The following ARHGAP5 variants were observed in gnomAD, a reference collection of about 807,000 sequenced individuals.
ARHGAP5 encodes Rho GTPase activating protein 5, also known as rho GTPase-activating protein 5.
A neutral mutation model predicts 116.6 loss-of-function variants in ARHGAP5; 23 were observed. The observed-to-expected ratio is 0.20, with a 90% CI of 0.14 to 0.28. The LOEUF (loss-of-function observed/expected upper bound fraction) is 0.28. Ranked by LOEUF, ARHGAP5 falls within the 10% of genes least tolerant of loss-of-function variation. The pLI is 1.00. For synonymous variants in ARHGAP5, 574 were observed against 602.0 expected (o/e 0.95, Z 0.68); for missense variants, 1,405 against 1,774.8 (o/e 0.79, Z 3.74).
chr14:32,095,411 T>TTG (rs1394650145), intron 2 of ARHGAP5, among the ~76,000 whole-genome samples: 1 of 150,120 alleles, frequency 6.7e-6, no homozygotes, highest in African/African-American at 2.5e-5. Flanking sequence ...GTTTTTTTTT[T>TTG]TTTTGTTTTT....
At position 32,127,046 on chromosome 14, in the gene ARHGAP5, G is replaced by A. The variant is rs372624450; in HGVS notation, c.3865+9759G>A. 4.0e-5 allele frequency among the ~76,000 whole-genome samples: 6 copies of A among 148,754 alleles called. No individual in the cohort carries two copies. The South Asian group carries it at 1.1e-3, about 27-fold the overall frequency. ...AGAGTCTCACTCTGTCACCCAGGCTGGAGTACAGTGGTGTAGTCTTGGCTC... is the reference window on the plus strand; with the variant it reads ...AGAGTCTCACTCTGTCACCCAGGCTAGAGTACAGTGGTGTAGTCTTGGCTC... On this transcript the variant is annotated intron_variant, in intron 3 of 6. Coordinates refer to ENST00000345122, the MANE Select transcript of ARHGAP5 (RefSeq NM_001030055.2).
chr14:32,123,640 T>G (rs1880001340), intron 3 of ARHGAP5, among the ~76,000 whole-genome samples: 1 of 152,194 alleles, frequency 6.6e-6, no homozygotes, highest in Non-Finnish European at 1.5e-5. Context: ...TTTAGTCTTC[T>G]GAATTTTTAT....
chr14:32,114,513 A>G (rs936865384), intron 2 of ARHGAP5, among the ~76,000 whole-genome samples: 2 of 152,170 alleles, frequency 1.3e-5, no homozygotes, highest in Non-Finnish European at 1.5e-5. Flanking sequence ...GATCCACACC[A>G]CTTGACTTGC....
At chr14:32,150,282 A>C (rs1223537658) in intron 5 of ARHGAP5, among the ~76,000 whole-genome samples, 2 of 152,220 alleles carry the variant, frequency 1.3e-5, no homozygotes, top group Admixed American at 1.3e-4. Flanking sequence ...AGATCATTGT[A>C]CTAGAAGTTT....
chr14:32,131,728 T>A (rs1198050754), intron 3 of ARHGAP5, among the ~76,000 whole-genome samples: 1 of 152,160 alleles, frequency 6.6e-6, no homozygotes, highest in African/African-American at 2.4e-5. Context: ...ATGCTATCCC[T>A]CCCCACTCCC....
At chr14:32,144,136 G>A (rs944809733) in intron 3 of ARHGAP5, among the ~76,000 whole-genome samples, 4 of 152,144 alleles carry the variant, frequency 2.6e-5, no homozygotes, top group African/African-American at 9.7e-5. Flanking sequence ...AAAAAATTGC[G>A]TCTAATTGGA....
At chr14:32,107,170 A>T (rs1405906623) in intron 2 of ARHGAP5, among the ~76,000 whole-genome samples, 1 of 152,236 alleles carries the variant, frequency 6.6e-6, no homozygotes, top group Non-Finnish European at 1.5e-5. Context: ...CATGCTATGC[A>T]CATAGTATAG....
intron 3 of ARHGAP5, among the ~76,000 whole-genome samples, chr14:32,137,633 T>A (rs1272007386): frequency 1.3e-5 from 2 of 152,142 alleles, no homozygotes; most frequent in Admixed American, 1.3e-4. Context: ...AAAAATTGCA[T>A]TGAATCTGTA....
chr14:32,096,110 C>T (rs367722145), intron 2 of ARHGAP5, among the ~76,000 whole-genome samples: 133 of 150,032 alleles, frequency 8.9e-4, no homozygotes, highest in African/African-American at 3.0e-3. Context: ...TGCGTGCGCA[C>T]GTGTGTGTGT....
chr14:32,141,433 A>G (rs1422749224), intron 3 of ARHGAP5, among the ~76,000 whole-genome samples: 1 of 152,214 alleles, frequency 6.6e-6, no homozygotes. Context: ...TGTTATTGTC[A>G]GAAATTACAT....
intron 3 of ARHGAP5, among the ~76,000 whole-genome samples, chr14:32,120,869 CTTGTTTAACTT>C (rs1407440600): frequency 6.6e-6 from 1 of 151,728 alleles, no homozygotes; most frequent in Admixed American, 6.6e-5. Flanking sequence ...TCCTATTTTT[CTTGTTTAACTT>C]TTGTAAAATT....
Position 32,157,991 on chromosome 14 carries a change from A to C in ARHGAP5, c.*3043A>C, listed in dbSNP as rs752475773. 40 of 151,712 alleles carry C rather than the reference A, an allele frequency of 2.6e-4. No individual in the cohort carries two copies. The highest frequency in any genetic ancestry group is 4.7e-4 in the Non-Finnish European group (32 of 67,704). 9.4% of individuals were successfully genotyped at this position (151,712 alleles called of 1,614,324 possible). A position where few individuals can be genotyped will look rare whatever the true frequency, so the allele number is the denominator to read the frequency against. On this transcript the variant is annotated 3_prime_UTR_variant, in exon 7 of 7. Coordinates refer to ENST00000345122, the MANE Select transcript of ARHGAP5 (RefSeq NM_001030055.2). ...GTCAACTGGATATAAATACACATAT[A>C]ATTTTAAAAAGTCAAAAGTGCTTTT...
rs1206138399 is a variant in ARHGAP5 at position 32,093,536 on chromosome 14, A to C, written c.2867A>C (p.Glu956Ala). ...ENSYLSDNTR[E>A]STHQSEDVFL... is the part of the protein sequence containing the mutation. ...TCTTATTTGTCTGATAATACAAGGG[A>C]ATCAACCCATCAAAGTGAAGATGTT... The change falls in exon 2 of 7, where the codon GAA (glutamate) becomes GCA (alanine). Residue 956 changes from glutamate to alanine, a missense_variant. By Grantham distance (107) the Glu-to-Ala change is moderately radical. Coordinates refer to ENST00000345122, the MANE Select transcript of ARHGAP5 (RefSeq NM_001030055.2). 6.2e-7 allele frequency: 1 copy of C among 1,613,788 alleles called. No homozygotes were observed. The highest frequency in any genetic ancestry group is 1.7e-5 in the Admixed American group (1 of 59,982).
intron 3 of ARHGAP5, among the ~76,000 whole-genome samples, chr14:32,132,606 A>G (rs1880563531): frequency 6.6e-6 from 1 of 151,986 alleles, no homozygotes; most frequent in Non-Finnish European, 1.5e-5. Context: ...CCTATTTGTC[A>G]ATTTTGTCTT....
chr14:32,148,210 C>CTATG (rs746269766), intron 4 of ARHGAP5, among the ~76,000 whole-genome samples: 19 of 147,102 alleles, frequency 1.3e-4, no homozygotes, highest in Non-Finnish European at 1.9e-4. Flanking sequence ...ATCTATCTAT[C>CTATG]TATGTATATC....
At chr14:32,129,690 C>T (rs1880372109) in intron 3 of ARHGAP5, among the ~76,000 whole-genome samples, 1 of 151,830 alleles carries the variant, frequency 6.6e-6, no homozygotes, top group East Asian at 1.9e-4. Context: ...CACTTTTTCA[C>T]TAAATATCAA....
chr14:32,101,938 G>A (rs768959658), intron 2 of ARHGAP5, among the ~76,000 whole-genome samples: 11 of 152,102 alleles, frequency 7.2e-5, no homozygotes, highest in Middle Eastern at 3.4e-3. Flanking sequence ...AGCCAAGATC[G>A]TGCCACTGCA....
At chr14:32,104,329 A>G (rs1341825798) in intron 2 of ARHGAP5, among the ~76,000 whole-genome samples, 1 of 152,178 alleles carries the variant, frequency 6.6e-6, no homozygotes, top group Non-Finnish European at 1.5e-5. Context: ...CTTTTTAGGA[A>G]GATGTTATCT....
intron 5 of ARHGAP5, among the ~76,000 whole-genome samples, chr14:32,151,036 C>T (rs1447608750): frequency 2.0e-5 from 3 of 152,082 alleles, no homozygotes; most frequent in East Asian, 1.9e-4. Flanking sequence ...GAGACTACTT[C>T]GTATTGTTCT....
Sources: gnomAD v4.1 joint callset for allele counts (sites outside exome capture counted in the v4.1 genomes callset) on GRCh38, gnomAD v4.1.1 for gene constraint, MANE v1.5 for transcripts, NCBI Gene and HGNC (gene_info 2026-07-23, HGNC 2026-07-21) for gene names.